Variants in FBXL19 observed in about 807,000 individuals in gnomAD.
FBXL19 encodes F-box and leucine rich repeat protein 19.
Under a neutral mutation model 71.2 loss-of-function variants are expected in FBXL19, and 16 were observed. That is an observed-to-expected ratio of 0.22 (90% CI 0.15 to 0.34). The LOEUF (loss-of-function observed/expected upper bound fraction) is 0.34, where lower values mean the gene tolerates loss of function less well. Among genes scored for constraint, FBXL19 ranks in the 10% least tolerant of loss-of-function variants. FBXL19 has a pLI of 1.00. For synonymous variants in FBXL19, 447 were observed against 409.4 expected (o/e 1.09, Z -1.11); for missense variants, 658 against 968.2 (o/e 0.68, Z 4.25).
chr16:30,942,040 G>A lies in FBXL19; in HGVS notation c.1302-76G>A. 1 of 1,433,792 alleles carries A rather than the reference G, an allele frequency of 7.0e-7. No homozygotes were observed. The highest frequency in any genetic ancestry group is 9.2e-7 in the Non-Finnish European group (1 of 1,085,930). 88.8% of individuals were successfully genotyped at this position (1,433,792 alleles called of 1,614,324 possible). On this transcript the variant is annotated intron_variant, in intron 7 of 10. Coordinates refer to ENST00000338343, the MANE Select transcript of FBXL19 (RefSeq NM_001382779.1). This position sits in a 1 kb window ranked among gnomAD's most constrained non-coding sequence, Gnocchi z 5.7. ...AGAAGAGAGCTGGGGTGCACCCTTG[G>A]AGCTGGGGAGCCTGGGAACTGTGGG...
chr16:30,939,821 C>G (rs2055781901), intron 7 of FBXL19, among the ~76,000 whole-genome samples: 1 of 152,060 alleles, frequency 6.6e-6, no homozygotes, highest in South Asian at 2.1e-4. Context: ...CTGCCCCAGC[C>G]CAGGGCTTCT....
chr16:30,930,649 G>T lies in FBXL19; in HGVS notation c.1301+65G>T. ...GCTTCCCGCTTGCTGGGTGACCTGC[G>T]GTAGGTCTCTGGCCCTCTCTGGGCC... On this transcript the variant is annotated intron_variant, in intron 7 of 10. Transcript: ENST00000338343. This position sits in a 1 kb window ranked among gnomAD's most constrained non-coding sequence, Gnocchi z 8.5. The T allele has an allele frequency of 7.2e-7, 1 of 1,393,664 alleles. No individual in the cohort carries two copies. The allele number at this position is 1,393,664 out of a possible 1,614,324, so 86.3% of individuals were successfully genotyped here.
At position 30,930,126 on chromosome 16, in the gene FBXL19, C is replaced by G. The variant is rs532569356; in HGVS notation, c.843C>G (p.Ser281=). The G allele has an allele frequency of 6.2e-7, 1 of 1,613,556 alleles. No individual in the cohort carries two copies. Among genetic ancestry groups the G allele is most frequent in the African/African-American group, 1.3e-5 (1 of 75,064 alleles). Residue 281 remains serine, a synonymous_variant, in exon 7 of 11, where the codon TCC becomes TCG. Transcript: ENST00000338343. This position sits in a 1 kb window ranked among gnomAD's most constrained non-coding sequence, Gnocchi z 8.5. ...SAEGPAVPSP[S]PQREKLERFK... is the part of the protein sequence containing the mutation. ...AGGGCCCAGCGGTGCCGTCCCCGTC[C>G]CCGCAGAGGGAGAAGCTAGAGCGTT...
At chr16:30,923,018 GATCGACTACTAGTCAGGTGT>G, upstream of FBXL19, 1 of 456,884 alleles carries the variant, frequency 2.2e-6, no homozygotes, top group South Asian at 1.5e-5. Context: ...CACCTCGTAA[GATCGACTACTAGTCAGGTGT>G]ATGTCCCTCT....
chr16:30,930,640 G>T lies in FBXL19; in HGVS notation c.1301+56G>T, dbSNP rs115053094. 1.6e-3 allele frequency: 2,243 copies of T among 1,399,698 alleles called. 36 individuals carry two copies. The African/African-American group carries it at 0.03, about 19-fold the overall frequency. The allele number at this position is 1,399,698 out of a possible 1,614,324, so 86.7% of individuals were successfully genotyped here. A position where few individuals can be genotyped will look rare whatever the true frequency, so the allele number is the denominator to read the frequency against. On this transcript the variant is annotated intron_variant, in intron 7 of 10. Coordinates refer to ENST00000338343, the MANE Select transcript of FBXL19 (RefSeq NM_001382779.1). The surrounding 1 kb of genome is among the most constrained non-coding windows in gnomAD (Gnocchi z 8.5). ...GGCCAGCAGGCTTCCCGCTTGCTGGGTGACCTGCGGTAGGTCTCTGGCCCT... is the reference window on the plus strand; with the variant it reads ...GGCCAGCAGGCTTCCCGCTTGCTGGTTGACCTGCGGTAGGTCTCTGGCCCT...
intron 7 of FBXL19, among the ~76,000 whole-genome samples, chr16:30,933,931 T>C (rs189317319): frequency 1.3e-5 from 2 of 152,060 alleles, no homozygotes; most frequent in Non-Finnish European, 2.9e-5. Context: ...TTTGTATTTT[T>C]AGTAAAAACG....
At chr16:30,931,762 T>C (rs182817902) in intron 7 of FBXL19, among the ~76,000 whole-genome samples, 1 of 152,240 alleles carries the variant, frequency 6.6e-6, no homozygotes, top group Non-Finnish European at 1.5e-5. Flanking sequence ...AGCCTCACTC[T>C]GTGGCCCAGG....
intron 1 of FBXL19, 116 bp downstream of exon 1, chr16:30,924,575 A>G: frequency 7.5e-7 from 1 of 1,332,858 alleles, no homozygotes; most frequent in Non-Finnish European, 9.5e-7. Context: ...TCTCTACTCC[A>G]AACTCATCTC....
intron 7 of FBXL19, among the ~76,000 whole-genome samples, chr16:30,932,380 A>G (rs2055685130): frequency 6.6e-6 from 1 of 152,218 alleles, no homozygotes; most frequent in African/African-American, 2.4e-5. Context: ...AATCAAGGAA[A>G]TGTTTGCTGA....
intron 9 of FBXL19, among the ~76,000 whole-genome samples, chr16:30,944,051 G>T (rs1190393654): frequency 6.6e-6 from 1 of 152,122 alleles, no homozygotes; most frequent in Admixed American, 6.5e-5. Context: ...TGGGTGGGGG[G>T]TAAGGTGGGC....
At chr16:30,938,076 A>C (rs1215402892) in intron 7 of FBXL19, among the ~76,000 whole-genome samples, 2 of 152,022 alleles carry the variant, frequency 1.3e-5, no homozygotes, top group Non-Finnish European at 2.9e-5. Context: ...GATGTTTATT[A>C]GTTGAGAGGA....
In FBXL19 at chr16:30,925,614, T is replaced by A; in HGVS notation, c.-24-117T>A. 8.7e-7 allele frequency: 1 copy of A among 1,151,166 alleles called. No homozygotes were observed. Among genetic ancestry groups the A allele is most frequent in the Non-Finnish European group, 1.1e-6 (1 of 876,780 alleles). 71.3% of individuals were successfully genotyped at this position (1,151,166 alleles called of 1,614,324 possible). Reference sequence around the variant, plus strand: ...AGATACACAGAAGGGGGTGACCTCCTTGTCCCCCTGAGGAAGAGGGCAGGC... The same window carrying A: ...AGATACACAGAAGGGGGTGACCTCCATGTCCCCCTGAGGAAGAGGGCAGGC... On this transcript the variant is annotated intron_variant, in intron 1 of 10. Coordinates refer to ENST00000338343, the MANE Select transcript of FBXL19 (RefSeq NM_001382779.1). This position sits in a 1 kb window ranked among gnomAD's most constrained non-coding sequence, Gnocchi z 5.0.
At position 30,925,647 on chromosome 16, in the gene FBXL19, G is replaced by T; in HGVS notation, c.-24-84G>T. Reference sequence around the variant, plus strand: ...CTGAGGAAGAGGGCAGGCTCTAGCTGCCTGTAGGTGGAGGGACCTGTCAGG... The same window carrying T: ...CTGAGGAAGAGGGCAGGCTCTAGCTTCCTGTAGGTGGAGGGACCTGTCAGG... On this transcript the variant is annotated intron_variant, in intron 1 of 10. Transcript: ENST00000338343. This position sits in a 1 kb window ranked among gnomAD's most constrained non-coding sequence, Gnocchi z 5.0. The T allele has an allele frequency of 1.5e-6, 2 of 1,349,738 alleles. No individual in the cohort carries two copies. Among genetic ancestry groups the T allele is most frequent in the Non-Finnish European group, 1.9e-6 (2 of 1,050,000 alleles). The allele number at this position is 1,349,738 out of a possible 1,614,324, so 83.6% of individuals were successfully genotyped here.
chr16:30,930,375 G>T lies in FBXL19; in HGVS notation c.1092G>T (p.Trp364Cys), dbSNP rs1204709860. The T allele has an allele frequency of 3.2e-6, 5 of 1,548,018 alleles. No homozygotes were observed. Among genetic ancestry groups the T allele is most frequent in the South Asian group, 1.2e-5 (1 of 85,042 alleles). ...RPGSGGPLLS[W>C]PLGPAPPPRP... ...GCAGTGGGGGGCCCCTACTCAGCTG[G>T]CCCCTGGGCCCAGCCCCACCACCCC... Residue 364 changes from tryptophan to cysteine, a missense_variant, in exon 7 of 11, where the codon TGG (tryptophan) becomes TGT (cysteine). Transcript: ENST00000338343. The surrounding 1 kb of genome is among the most constrained non-coding windows in gnomAD (Gnocchi z 8.5).
At chr16:30,923,022 G>T (rs2055540260), upstream of FBXL19, 3 of 456,738 alleles carry the variant, frequency 6.6e-6, no homozygotes, top group Non-Finnish European at 1.3e-5. Context: ...TCGTAAGATC[G>T]ACTACTAGTC....
chr16:30,924,699 C>T (rs1211274378), intron 1 of FBXL19: 2 of 1,485,560 alleles, frequency 1.3e-6, no homozygotes, highest in Non-Finnish European at 1.8e-6. Context: ...CAGGCCCCTC[C>T]CCTGGAGCGC....
chr16:30,935,328 G>A (rs1057411312), intron 7 of FBXL19, among the ~76,000 whole-genome samples: 2 of 152,236 alleles, frequency 1.3e-5, no homozygotes, highest in Non-Finnish European at 2.9e-5. Context: ...GTGGAAGGAT[G>A]TACAGAGGGT....
At chr16:30,923,189 T>C (rs976938826), upstream of FBXL19, 11 of 456,262 alleles carry the variant, frequency 2.4e-5, no homozygotes, top group Non-Finnish European at 4.8e-5. Context: ...CAGGAGGGCG[T>C]GTGAGTGCCT....
intron 7 of FBXL19, among the ~76,000 whole-genome samples, chr16:30,939,036 G>T (rs890597948): frequency 6.6e-6 from 1 of 151,982 alleles, no homozygotes; most frequent in African/African-American, 2.4e-5. Context: ...CACCTGGCTA[G>T]GATTTAATAA....
Sources: gnomAD v4.1 joint callset for allele counts (sites outside exome capture counted in the v4.1 genomes callset) on GRCh38, gnomAD v4.1.1 for gene constraint, Gnocchi (gnomAD v3.1) non-coding constraint, MANE v1.5 for transcripts, NCBI Gene and HGNC (gene_info 2026-07-23, HGNC 2026-07-21) for gene names.